Variants in OR10AG1 observed in about 807,000 individuals in gnomAD.
OR10AG1 encodes the protein olfactory receptor family 10 subfamily AG member 1, also known as olfactory receptor 10AG1.
For synonymous variants in OR10AG1, 147 were observed against 128.6 expected (o/e 1.14, Z -0.97); for missense variants, 433 against 376.5 (o/e 1.15, Z -1.24).
At position 55,968,197 on chromosome 11, in the gene OR10AG1, A is replaced by C; in HGVS notation, c.327T>G (p.Ala109=). ...QKGNISLFAC[A]TQMCFFLMLG... ...GCATAAGAAAAAAACACATTTGTGT[A>C]GCACAAGCAAACAAAGAAATATTTC... Residue 109 remains alanine, a synonymous_variant, in exon 2 of 2, where the codon GCT becomes GCG. Transcript: ENST00000641071. 6.2e-7 allele frequency: 1 copy of C among 1,614,108 alleles called. No individual in the cohort carries two copies. The highest frequency in any genetic ancestry group is 8.5e-7 in the Non-Finnish European group (1 of 1,179,986).
Position 55,968,133 on chromosome 11 carries a change from A to T in OR10AG1, c.391T>A (p.Tyr131Asn). Residue 131 changes from tyrosine to asparagine, a missense_variant, in exon 2 of 2, where the codon TAT (tyrosine) becomes AAT (asparagine). Tyr to Asn is a moderately radical substitution (Grantham distance 143, BLOSUM62 -2). Coordinates refer to ENST00000641071, the MANE Select transcript of OR10AG1 (RefSeq NM_001005491.2). ...TTACAAATAGCCACGTAGCGGTCAT[A>T]GGCCATCACTGTCAGAAGGAGACAC... is the stretch of plus-strand genomic sequence containing the variant. ...TECLLLTVMA[Y>N]DRYVAICKPL... 6.2e-7 allele frequency: 1 copy of T among 1,613,850 alleles called. No homozygotes were observed. The highest frequency in any genetic ancestry group is 8.5e-7 in the Non-Finnish European group (1 of 1,179,832).
In OR10AG1 at chr11:55,968,342, T is replaced by C. The variant is rs1448190364; in HGVS notation, c.182A>G (p.Lys61Arg). The change falls in exon 2 of 2, where the codon AAA becomes AGA. Residue 61 changes from lysine to arginine, a missense_variant. Physicochemically the swap from Lys to Arg is conservative, Grantham distance 26. Coordinates refer to ENST00000641071, the MANE Select transcript of OR10AG1 (RefSeq NM_001005491.2). ...GGGAGTCTGGAGAGCGGGGTGAATT[T>C]TTATTAGTAGTATTATGATGCCATT... ...MCNGIIILLI[K>R]IHPALQTPMY... is the part of the protein sequence containing the mutation. 6 of 1,612,632 alleles carry C rather than the reference T, an allele frequency of 3.7e-6. No individual in the cohort carries two copies. In the African/African-American group the frequency reaches 4.0e-5, roughly 11 times the overall value.
Position 55,968,268 on chromosome 11 carries a change from T to A in OR10AG1, c.256A>T (p.Thr86Ser). ...ATGAGCATTCTTGGGATAATGATTG[T>A]TACATAACAGATTTCCAAAAGGGAA... is the stretch of plus-strand genomic sequence containing the variant. ...NFSLLEICYV[T>S]IIIPRMLMDI... The change falls in exon 2 of 2, where the codon ACA (threonine) becomes TCA (serine). Residue 86 changes from threonine to serine, a missense_variant. By Grantham distance (58) the Thr-to-Ser change is moderately conservative. Coordinates refer to ENST00000641071, the MANE Select transcript of OR10AG1 (RefSeq NM_001005491.2). 1.2e-6 allele frequency: 2 copies of A among 1,613,502 alleles called. No homozygotes were observed. The highest frequency in any genetic ancestry group is 1.7e-6 in the Non-Finnish European group (2 of 1,179,520).
In OR10AG1 at chr11:55,967,712, A is replaced by T. The variant is rs151256009; in HGVS notation, c.812T>A (p.Leu271Ter). The T allele has an allele frequency of 2.9e-5, 46 of 1,613,868 alleles. No homozygotes were observed. In the African/African-American group the frequency reaches 5.7e-4, roughly 20 times the overall value. Reference protein sequence around the residue: ...LFFGAGTITYLQPKPHQFQRM... With the variant: ...LFFGAGTITY ...TTGAAACTGATGTGGTTTGGGCTGT[A>T]AATAAGTGATAGTACCTGCTCCAAA... Residue 271 changes from leucine to a stop codon, truncating the protein, a stop_gained, in exon 2 of 2, where the codon TTA becomes TAA. Transcript: ENST00000641071. LOFTEE classifies it low-confidence loss of function (END_TRUNC).
rs1852714595 is a variant in OR10AG1 at position 55,968,526 on chromosome 11, C to T, written c.17-19G>A. Reference sequence around the variant, plus strand: ...TCTCCATCTGCAGATATAGCAAATTCAAGACAGTTAATTCATCCATATTTT... The same window carrying T: ...TCTCCATCTGCAGATATAGCAAATTTAAGACAGTTAATTCATCCATATTTT... On this transcript the variant is annotated intron_variant, in intron 1 of 1. Transcript: ENST00000641071. 1 of 1,026,452 alleles carries T rather than the reference C, an allele frequency of 9.7e-7. No individual in the cohort carries two copies. Among genetic ancestry groups the T allele is most frequent in the Admixed American group, 2.4e-5 (1 of 42,320 alleles). The allele number at this position is 1,026,452 out of a possible 1,614,324, so 63.6% of individuals were successfully genotyped here.
chr11:55,967,346 G>A lies in OR10AG1; in HGVS notation c.*212C>T, dbSNP rs2134615490. The A allele has an allele frequency of 2.3e-6, 1 of 440,618 alleles. No homozygotes were observed. Among genetic ancestry groups the A allele is most frequent in the East Asian group, 3.8e-5 (1 of 26,562 alleles). The allele number at this position is 440,618 out of a possible 1,614,324, so 27.3% of individuals were successfully genotyped here. On this transcript the variant is annotated 3_prime_UTR_variant, in exon 2 of 2. Transcript: ENST00000641071. ...ACAGTTAACCATTGATCTTCAGAAT[G>A]AGATCTTGGCACCTTAGTTAAATTG...
chr11:55,969,666 A>G (rs936753474), intron 1 of OR10AG1, among the ~76,000 whole-genome samples: 1 of 152,156 alleles, frequency 6.6e-6, no homozygotes, highest in Non-Finnish European at 1.5e-5. Context: ...CTAGTTTTCA[A>G]AATTGCCTTA....
At position 55,967,970 on chromosome 11, in the gene OR10AG1, ATTG is replaced by A; in HGVS notation, c.551_553del (p.Thr184del). On this transcript the variant is annotated inframe_deletion, in exon 2 of 2. Transcript: ENST00000641071. ...CGGGATGTCACAAAAGAAATGATTA[ATTG>A]TGTTAGTTCCGCAAAAGGGCAAAAG... The A allele has an allele frequency of 6.2e-7, 1 of 1,614,070 alleles. No homozygotes were observed. Among genetic ancestry groups the A allele is most frequent in the South Asian group, 1.1e-5 (1 of 91,080 alleles).
chr11:55,966,622 G>A lies in OR10AG1; in HGVS notation c.*936C>T, dbSNP rs1852691089. The A allele has an allele frequency of 6.6e-6, 1 of 151,944 alleles. No individual in the cohort carries two copies. The highest frequency in any genetic ancestry group is 1.5e-5 in the Non-Finnish European group (1 of 67,984). The allele number at this position is 151,944 out of a possible 1,614,324, so 9.4% of individuals were successfully genotyped here. A position where few individuals can be genotyped will look rare whatever the true frequency, so the allele number is the denominator to read the frequency against. On this transcript the variant is annotated 3_prime_UTR_variant, in exon 2 of 2. Coordinates refer to ENST00000641071, the MANE Select transcript of OR10AG1 (RefSeq NM_001005491.2). ...GATGACTCATTCCTTGCCCCTTTTTGTTTTGGTGAATCTTGACCATCTTTG... is the reference window on the plus strand; with the variant it reads ...GATGACTCATTCCTTGCCCCTTTTTATTTTGGTGAATCTTGACCATCTTTG...
In OR10AG1 at chr11:55,968,282, T is replaced by C. The variant is rs1852711212; in HGVS notation, c.242A>G (p.Glu81Gly). 6.2e-7 allele frequency: 1 copy of C among 1,613,624 alleles called. No individual in the cohort carries two copies. Residue 81 changes from glutamate to glycine, a missense_variant, in exon 2 of 2, where the codon GAA becomes GGA. Physicochemically the swap from Glu to Gly is moderately conservative, Grantham distance 98 (BLOSUM62 -2). Transcript: ENST00000641071. ...GATAATGATTGTTACATAACAGATT[T>C]CCAAAAGGGAAAAATTGCTAAGAAA... Reference protein sequence around the residue: ...YFFLSNFSLLEICYVTIIIPR... With the variant: ...YFFLSNFSLLGICYVTIIIPR...
At chr11:55,969,042 C>G (rs1161512734) in intron 1 of OR10AG1, among the ~76,000 whole-genome samples, 1 of 152,022 alleles carries the variant, frequency 6.6e-6, no homozygotes, top group Admixed American at 6.6e-5. Flanking sequence ...TACTTCATGT[C>G]TCTCTCCTAT....
chr11:55,967,525 A>C lies in OR10AG1; in HGVS notation c.*33T>G, dbSNP rs773013850. The C allele has an allele frequency of 1.2e-5, 17 of 1,400,776 alleles. No individual in the cohort carries two copies. Among genetic ancestry groups the C allele is most frequent in the Non-Finnish European group, 1.7e-5 (17 of 1,021,260 alleles). 86.8% of individuals were successfully genotyped at this position (1,400,776 alleles called of 1,614,324 possible). On this transcript the variant is annotated 3_prime_UTR_variant, in exon 2 of 2. Transcript: ENST00000641071. ...ACTGAAGCCACATGACAAACCTATA[A>C]AGAAATTATTTCTGTAATTTCAAGT...
chr11:55,968,256 G>A lies in OR10AG1; in HGVS notation c.268C>T (p.Pro90Ser), dbSNP rs2134617456. The A allele has an allele frequency of 6.2e-7, 1 of 1,613,236 alleles. No homozygotes were observed. The highest frequency in any genetic ancestry group is 8.5e-7 in the Non-Finnish European group (1 of 1,179,352). ...LEICYVTIII[P>S]RMLMDIWTQK... ...GTCCAAATGTCCATGAGCATTCTTG[G>A]GATAATGATTGTTACATAACAGATT... Residue 90 changes from proline to serine, a missense_variant, in exon 2 of 2, where the codon CCA becomes TCA. By Grantham distance (74) the Pro-to-Ser change is moderately conservative. Coordinates refer to ENST00000641071, the MANE Select transcript of OR10AG1 (RefSeq NM_001005491.2).
Position 55,967,957 on chromosome 11 carries a change from A to G in OR10AG1, c.567T>C (p.Phe189=). 1 of 1,614,112 alleles carries G rather than the reference A, an allele frequency of 6.2e-7. No individual in the cohort carries two copies. The highest frequency in any genetic ancestry group is 1.1e-5 in the South Asian group (1 of 91,078). ...GCTTGAGTATTGGCGGGATGTCACA[A>G]AAGAAATGATTAATTGTGTTAGTTC... ...FCGTNTINHF[F]CDIPPILKLA... The change falls in exon 2 of 2, where the codon TTT becomes TTC. Residue 189 remains phenylalanine, a synonymous_variant. Transcript: ENST00000641071.
chr11:55,966,281 TA>T lies in OR10AG1; in HGVS notation c.*1276del, dbSNP rs1438788873. On this transcript the variant is annotated 3_prime_UTR_variant, in exon 2 of 2. Transcript: ENST00000641071. ...GTAAAGTAAGAAGAATATATATATATATATATATATTTTTTTTTTTAAACAG... is the reference window on the plus strand; with the variant it reads ...GTAAAGTAAGAAGAATATATATATATTATATATATTTTTTTTTTTAAACAG... 17 of 90,234 alleles carry T rather than the reference TA, an allele frequency of 1.9e-4. 1 individual carries two copies. The South Asian group carries it at 5.3e-3, about 28-fold the overall frequency. 5.6% of individuals were successfully genotyped at this position (90,234 alleles called of 1,614,324 possible). A position where few individuals can be genotyped will look rare whatever the true frequency, so the allele number is the denominator to read the frequency against.
chr11:55,967,888 TACATGG>T lies in OR10AG1; in HGVS notation c.630_635del (p.His211_Val212del). Reference sequence around the variant, plus strand: ...GCACCGTGATAAACACCACCGCTACTACATGGACTGTTATCTCATTCACAAATATGT... The same window carrying T: ...GCACCGTGATAAACACCACCGCTACTACTGTTATCTCATTCACAAATATGT... On this transcript the variant is annotated inframe_deletion, in exon 2 of 2. Coordinates refer to ENST00000641071, the MANE Select transcript of OR10AG1 (RefSeq NM_001005491.2). The T allele has an allele frequency of 6.2e-7, 1 of 1,614,108 alleles. No homozygotes were observed. Among genetic ancestry groups the T allele is most frequent in the Non-Finnish European group, 8.5e-7 (1 of 1,179,972 alleles).
In OR10AG1 at chr11:55,966,474, A is replaced by G. The variant is rs1852689781; in HGVS notation, c.*1084T>C. On this transcript the variant is annotated 3_prime_UTR_variant, in exon 2 of 2. Coordinates refer to ENST00000641071, the MANE Select transcript of OR10AG1 (RefSeq NM_001005491.2). ...TGTGATATATTATTTCCCCTGGTTTATCTTAACAACTTACTGCAAATTGGG... is the reference window on the plus strand; with the variant it reads ...TGTGATATATTATTTCCCCTGGTTTGTCTTAACAACTTACTGCAAATTGGG... 6.6e-6 allele frequency: 1 copy of G among 152,040 alleles called. No individual in the cohort carries two copies. The highest frequency in any genetic ancestry group is 2.4e-5 in the African/African-American group (1 of 41,346). 9.4% of individuals were successfully genotyped at this position (152,040 alleles called of 1,614,324 possible). A position where few individuals can be genotyped will look rare whatever the true frequency, so the allele number is the denominator to read the frequency against.
chr11:55,966,020 T>C lies in OR10AG1; in HGVS notation c.*1538A>G, dbSNP rs933404717. On this transcript the variant is annotated 3_prime_UTR_variant, in exon 2 of 2. Transcript: ENST00000641071. ...TATGCATTCTTACATATTAGGGAAG[T>C]AGGAATTTCTTCAATTGAGCAGTTC... The C allele has an allele frequency of 4.6e-5, 7 of 151,906 alleles. No individual in the cohort carries two copies. The highest frequency in any genetic ancestry group is 1.7e-4 in the African/African-American group (7 of 41,336). 9.4% of individuals were successfully genotyped at this position (151,906 alleles called of 1,614,324 possible).
At chr11:55,969,686 T>G (rs1302989110) in intron 1 of OR10AG1, among the ~76,000 whole-genome samples, 1 of 152,160 alleles carries the variant, frequency 6.6e-6, no homozygotes, top group Non-Finnish European at 1.5e-5. Context: ...AAATGACTTT[T>G]CATCACTAAT....
Sources: gnomAD v4.1 joint callset for allele counts (sites outside exome capture counted in the v4.1 genomes callset) on GRCh38, gnomAD v4.1.1 for gene constraint, MANE v1.5 for transcripts, NCBI Gene and HGNC (gene_info 2026-07-23, HGNC 2026-07-21) for gene names.